The following AZIN2 variants were observed in gnomAD, a reference collection of about 807,000 sequenced individuals.
AZIN2 encodes ODC antizyme inhibitor-2.
In AZIN2, 28 loss-of-function variants were observed where a neutral mutation model predicts 47.8. The ratio of observed to expected loss-of-function variants is 0.59; its 90% confidence interval spans 0.43 to 0.80. The LOEUF (loss-of-function observed/expected upper bound fraction) is 0.80, where lower values mean the gene tolerates loss of function less well. Among genes scored for constraint, AZIN2 ranks in the 30% least tolerant of loss-of-function variants. The pLI, the probability that AZIN2 is intolerant of heterozygous loss-of-function variation, is 0.00. For synonymous variants in AZIN2, 221 were observed against 239.4 expected, an observed-to-expected ratio of 0.92 and a Z score of 0.71; for missense variants, 535 against 582.5, an observed-to-expected ratio of 0.92 and a Z score of 0.84.
At position 33,120,315 on chromosome 1, in the gene AZIN2, G is replaced by A; in HGVS notation, c.*133G>A. The A allele has an allele frequency of 7.9e-7, 1 of 1,268,244 alleles. No individual in the cohort carries two copies. Among genetic ancestry groups the A allele is most frequent in the Non-Finnish European group, 1.1e-6 (1 of 924,624 alleles). The allele number at this position is 1,268,244 out of a possible 1,614,324, so 78.6% of individuals were successfully genotyped here. ...ACCCTGCCACCCCCGCGCTCCACCT[G>A]CAGTGTTTCTGCCCTGTAAATAGGA... On this transcript the variant is annotated 3_prime_UTR_variant, in exon 12 of 12. Transcript: ENST00000294517.
the AZIN2 span, among the ~76,000 whole-genome samples, chr1:33,133,797 C>A: frequency 6.6e-6 from 1 of 152,344 alleles, no homozygotes; most frequent in African/African-American, 2.4e-5. Flanking sequence ...AGAGAAAAAG[C>A]AGGCTGAGAG....
At chr1:33,101,886 C>T (rs768900518) in intron 10 of AZIN2, 66 of 779,176 alleles carry the variant, frequency 8.5e-5, no homozygotes, top group Middle Eastern at 2.2e-4. Context: ...ATTTCATTGC[C>T]GTGTAGCGCT....
At chr1:33,086,230 A>G (rs1207771369) in intron 5 of AZIN2, among the ~76,000 whole-genome samples, 2 of 152,012 alleles carry the variant, frequency 1.3e-5, no homozygotes, top group Non-Finnish European at 2.9e-5. Context: ...ATTTTTTTTA[A>G]TGGGGATTCT....
the AZIN2 span, among the ~76,000 whole-genome samples, chr1:33,144,135 C>CTTTTTTTT: frequency 1.4e-5 from 2 of 146,514 alleles, no homozygotes; most frequent in East Asian, 2.0e-4. Flanking sequence ...AATGTTACTT[C>CTTTTTTTT]TTTTTTTTTT....
chr1:33,103,411 C>T (rs956770500), intron 10 of AZIN2, among the ~76,000 whole-genome samples: 2 of 152,072 alleles, frequency 1.3e-5, no homozygotes, highest in African/African-American at 4.8e-5. Flanking sequence ...TGCATTCGCT[C>T]GCCCAGAATG....
At chr1:33,157,254 G>A in the AZIN2 span, among the ~76,000 whole-genome samples, 16 of 152,158 alleles carry the variant, frequency 1.1e-4, no homozygotes, top group East Asian at 1.4e-3. Flanking sequence ...CTCCAGCCAC[G>A]TTAACCTCCT....
At chr1:33,154,937 C>T in the AZIN2 span, among the ~76,000 whole-genome samples, 1 of 150,554 alleles carries the variant, frequency 6.6e-6, no homozygotes, top group African/African-American at 2.4e-5. Flanking sequence ...ACTAAAAATA[C>T]AAAAAATTAG....
At chr1:33,093,719 TTTTC>T (rs1184150693) in intron 7 of AZIN2, among the ~76,000 whole-genome samples, 18 of 150,488 alleles carry the variant, frequency 1.2e-4, no homozygotes, top group Non-Finnish European at 2.5e-4. Flanking sequence ...GCCTCTTTTC[TTTTC>T]TTTCTTTCTT....
chr1:33,084,238 G>T, intron 5 of AZIN2, 111 bp downstream of exon 5: 1 of 1,345,126 alleles, frequency 7.4e-7, no homozygotes, highest in Non-Finnish European at 1.0e-6. Flanking sequence ...GTTGGTCCTT[G>T]CCCTCTGGGA....
Position 33,113,670 on chromosome 1 carries a change from T to C in AZIN2, c.1030-4232T>C, listed in dbSNP as rs1347241081. On this transcript the variant is annotated intron_variant, in intron 10 of 11. Transcript: ENST00000294517. This position sits in a 1 kb window ranked among gnomAD's most constrained non-coding sequence, Gnocchi z 4.1. ...CTGCCATAGACCAGCTGAGTAACCT[T>C]AGGCAAAGCAAGCTACTTAATCTCT... Among the ~76,000 whole-genome samples, 1 of 152,250 alleles carries C rather than the reference T, an allele frequency of 6.6e-6. No individual in the cohort carries two copies. Among genetic ancestry groups the C allele is most frequent in the South Asian group, 2.1e-4 (1 of 4,834 alleles).
intron 11 of AZIN2, 71 bp from the exon 12 acceptor site, chr1:33,119,973 G>A: frequency 1.3e-6 from 2 of 1,597,846 alleles, no homozygotes; most frequent in Non-Finnish European, 1.7e-6. Flanking sequence ...GCCCAATGGG[G>A]CTGCGTCTCC....
the AZIN2 span, among the ~76,000 whole-genome samples, chr1:33,162,693 A>AGGGGGGAAGGCAGGGACAG: frequency 6.6e-6 from 1 of 152,080 alleles, no homozygotes; most frequent in South Asian, 2.1e-4. Context: ...TGGGAGGGAA[A>AGGGGGGAAGGCAGGGACAG]GGGGGGAAGG....
chr1:33,143,753 A>G, the AZIN2 span, among the ~76,000 whole-genome samples: 22 of 152,336 alleles, frequency 1.4e-4, no homozygotes, highest in East Asian at 3.7e-3. Flanking sequence ...CAGAAAGCCA[A>G]CACCAGTCCT....
chr1:33,166,667 C>G, the AZIN2 span, among the ~76,000 whole-genome samples: 5 of 152,132 alleles, frequency 3.3e-5, no homozygotes, highest in Admixed American at 3.3e-4. Flanking sequence ...CCCGGACAGC[C>G]TGGTTGTGGA....
chr1:33,088,727 T>C (rs1390411972), intron 5 of AZIN2, among the ~76,000 whole-genome samples: 1 of 152,116 alleles, frequency 6.6e-6, no homozygotes, highest in Non-Finnish European at 1.5e-5. Flanking sequence ...ACAGACCACT[T>C]CCTCTACTGG....
At chr1:33,130,407 C>G in the AZIN2 span, among the ~76,000 whole-genome samples, 1 of 152,246 alleles carries the variant, frequency 6.6e-6, no homozygotes, top group Admixed American at 6.5e-5. Flanking sequence ...TTCTCTTGCT[C>G]TCTTGCTCAC....
At chr1:33,165,408 C>A in the AZIN2 span, 1 of 1,451,100 alleles carries the variant, frequency 6.9e-7, no homozygotes. The surrounding 1 kb of genome is among the most constrained non-coding windows in gnomAD (Gnocchi z 4.0). Flanking sequence ...CCAGCTGGCC[C>A]CGCCCCTCGA....
chr1:33,083,100 G>A (rs1160794482), intron 4 of AZIN2: 2 of 152,486 alleles, frequency 1.3e-5, no homozygotes, highest in Non-Finnish European at 1.5e-5. Context: ...CCCCTGCATT[G>A]CACCTTGTAG....
At chr1:33,087,720 G>C (rs542460432) in intron 5 of AZIN2, among the ~76,000 whole-genome samples, 1 of 151,260 alleles carries the variant, frequency 6.6e-6, no homozygotes, top group Admixed American at 6.6e-5. Context: ...ACAGGCATGA[G>C]CCACCACACC....
Sources: gnomAD v4.1 joint callset for allele counts (sites outside exome capture counted in the v4.1 genomes callset) on GRCh38, gnomAD v4.1.1 for gene constraint, Gnocchi (gnomAD v3.1) non-coding constraint, MANE v1.5 for transcripts, NCBI Gene and HGNC (gene_info 2026-07-23, HGNC 2026-07-21) for gene names.